The following BBOF1 variants were observed in gnomAD, a reference collection of about 807,000 sequenced individuals.
BBOF1 encodes basal body-orientation factor 1.
In BBOF1, 62 loss-of-function variants were observed where a neutral mutation model predicts 68.0. That is an observed-to-expected ratio of 0.91 (90% CI 0.74 to 1.13). BBOF1 has a LOEUF of 1.13. Among genes scored for constraint, BBOF1 ranks in the 50% most tolerant of loss-of-function variants. BBOF1 has a pLI of 0.00. For missense variants in BBOF1, 534 were observed against 600.1 expected (o/e 0.89, Z 1.15); for synonymous variants, 208 against 198.8 (o/e 1.05, Z -0.39).
chr14:74,071,605 T>C (rs4243645), intron 9 of BBOF1: 802,539 of 1,594,188 alleles, frequency 0.5, 208,448 homozygotes, highest in East Asian at 0.89. Context: ...AATGAAGGGG[T>C]GCAGGGTACA....
chr14:74,035,811 G>A (rs906946773), intron 4 of BBOF1, among the ~76,000 whole-genome samples: 11 of 151,696 alleles, frequency 7.3e-5, no homozygotes, highest in South Asian at 2.1e-4. Context: ...TAATCTGAGC[G>A]GGATGTAGAC....
At chr14:74,048,265 C>T (rs942365039) in intron 7 of BBOF1, 191 bp downstream of exon 7, 1 of 497,680 alleles carries the variant, frequency 2.0e-6, no homozygotes, top group African/African-American at 2.0e-5. Context: ...GCATTAGACT[C>T]AACTTATAAA....
intron 7 of BBOF1, 65 bp from the exon 8 acceptor site, chr14:74,049,637 G>A: frequency 7.2e-7 from 1 of 1,395,034 alleles, no homozygotes; most frequent in Non-Finnish European, 9.5e-7. Context: ...CCTCCAGCCT[G>A]GGCGACAGAG....
At chr14:74,071,528 C>G (rs758169302) in intron 9 of BBOF1, 3 of 1,612,848 alleles carry the variant, frequency 1.9e-6, no homozygotes, top group Non-Finnish European at 2.5e-6. Context: ...CATCAGCTCT[C>G]CACACTGTGT....
chr14:74,063,128 T>C (rs925135210), intron 11 of BBOF1, among the ~76,000 whole-genome samples: 1 of 152,146 alleles, frequency 6.6e-6, no homozygotes, highest in African/African-American at 2.4e-5. Context: ...GAATGTGCCA[T>C]GCTTCTTCCT....
At chr14:74,072,738 C>T (rs936705868) in intron 9 of BBOF1, 41 of 1,065,384 alleles carry the variant, frequency 3.8e-5, no homozygotes, top group Middle Eastern at 2.6e-4. Context: ...ATCTTCTGGT[C>T]TTTAGAAATG....
intron 5 of BBOF1, 41 bp downstream of exon 5, chr14:74,040,686 A>G: frequency 1.7e-6 from 2 of 1,207,840 alleles, no homozygotes; most frequent in Non-Finnish European, 2.3e-6. Context: ...TTTGTTTACT[A>G]GAACATAAGT....
chr14:74,068,833 T>C (rs1247562108), downstream of BBOF1: 3 of 1,613,068 alleles, frequency 1.9e-6, no homozygotes, highest in Admixed American at 3.3e-5. Flanking sequence ...AGAACAAAGA[T>C]TGGAGAAAAA....
At chr14:74,034,218 T>G (rs569272495) in intron 4 of BBOF1, 47 bp downstream of exon 4, 2 of 1,334,796 alleles carry the variant, frequency 1.5e-6, no homozygotes, top group African/African-American at 3.0e-5. Flanking sequence ...AATTAACTAT[T>G]TAATGCCTAC....
chr14:74,029,821 A>G (rs902826928), intron 3 of BBOF1, among the ~76,000 whole-genome samples: 1 of 152,144 alleles, frequency 6.6e-6, no homozygotes, highest in Non-Finnish European at 1.5e-5. Flanking sequence ...TAGGAGATAC[A>G]CGTTTTTAAA....
chr14:74,021,655 G>A (rs137969135), intron 1 of BBOF1, among the ~76,000 whole-genome samples: 1 of 151,710 alleles, frequency 6.6e-6, no homozygotes, highest in Non-Finnish European at 1.5e-5. Flanking sequence ...ATTTGCCCTA[G>A]TGACTTGACT....
downstream of BBOF1, among the ~76,000 whole-genome samples, chr14:74,069,754 A>C (rs151192529): frequency 0.018 from 2,788 of 152,172 alleles, 86 homozygotes; most frequent in African/African-American, 0.064. Flanking sequence ...ACTCCATCTC[A>C]AAACAATAAA....
chr14:74,082,589 G>A (rs769883811), intron 12 of BBOF1, among the ~76,000 whole-genome samples: 9 of 151,868 alleles, frequency 5.9e-5, no homozygotes, highest in Admixed American at 1.3e-4. Flanking sequence ...TAGTAGAGAA[G>A]GGGTTTTACC....
At chr14:74,056,420 G>A (rs542865771) in intron 9 of BBOF1, among the ~76,000 whole-genome samples, 6 of 151,494 alleles carry the variant, frequency 4.0e-5, no homozygotes, top group South Asian at 2.1e-4. Flanking sequence ...GGCTGGTCTC[G>A]AACTCCTGAC....
rs148780249 is a variant in BBOF1 at position 74,059,662 on chromosome 14, T to C, written c.1578+2404T>C. 1,265 of 179,018 alleles carry C rather than the reference T, an allele frequency of 7.1e-3. 16 individuals carry two copies. The highest frequency in any genetic ancestry group is 0.029 in the African/African-American group (1,197 of 41,848). 11.1% of individuals were successfully genotyped at this position (179,018 alleles called of 1,614,324 possible). A position where few individuals can be genotyped will look rare whatever the true frequency, so the allele number is the denominator to read the frequency against. On this transcript the variant is annotated intron_variant, in intron 11 of 11. Coordinates refer to ENST00000394009, the MANE Select transcript of BBOF1 (RefSeq NM_025057.3). ...GTGAGCTGAGATCACGCCATTGCACTCCAGCCTGGGCAACAAGAGTGAAAC... is the reference window on the plus strand; with the variant it reads ...GTGAGCTGAGATCACGCCATTGCACCCCAGCCTGGGCAACAAGAGTGAAAC...
At chr14:74,072,949 G>A (rs994162081) in intron 9 of BBOF1, among the ~76,000 whole-genome samples, 1 of 151,978 alleles carries the variant, frequency 6.6e-6, no homozygotes, top group Non-Finnish European at 1.5e-5. Flanking sequence ...ACAGACACCC[G>A]CCACAACACC....
At chr14:74,078,662 G>T (rs565669527) in intron 10 of BBOF1, among the ~76,000 whole-genome samples, 1 of 152,112 alleles carries the variant, frequency 6.6e-6, no homozygotes, top group South Asian at 2.1e-4. Flanking sequence ...TGAGTAGCTG[G>T]GATTACAGGC....
At chr14:74,025,033 G>T (rs956276382) in intron 2 of BBOF1, among the ~76,000 whole-genome samples, 1 of 152,102 alleles carries the variant, frequency 6.6e-6, no homozygotes. Context: ...CTCCCAAAGT[G>T]TTGGGATTAC....
At chr14:74,072,439 A>T in intron 9 of BBOF1, 1 of 1,613,312 alleles carries the variant, frequency 6.2e-7, no homozygotes, top group South Asian at 1.1e-5. Context: ...CAGAAGTGGC[A>T]CTATGTGCTT....
Sources: gnomAD v4.1 joint callset for allele counts (sites outside exome capture counted in the v4.1 genomes callset) on GRCh38, gnomAD v4.1.1 for gene constraint, MANE v1.5 for transcripts, NCBI Gene and HGNC (gene_info 2026-07-23, HGNC 2026-07-21) for gene names.